The following ERVMER34-1 variants were observed in gnomAD, a reference collection of about 807,000 sequenced individuals.
ERVMER34-1 encodes the protein endogenous retrovirus group MER34 member 1, envelope.
For missense variants in ERVMER34-1, 471 were observed against 295.1 expected (o/e 1.60, Z -4.37); for synonymous variants, 199 against 111.7 (o/e 1.78, Z -4.93).
At chr4:52,750,074 C>G (rs1229327302) in intron 2 of ERVMER34-1, among the ~76,000 whole-genome samples, 1 of 152,122 alleles carries the variant, frequency 6.6e-6, no homozygotes, top group Admixed American at 6.5e-5. Context: ...TCTCCGCTCA[C>G]CACAACCTCT....
In ERVMER34-1 at chr4:52,744,526, A is replaced by C. The variant is rs1716095596; in HGVS notation, c.995T>G (p.Leu332Ter). Residue 332 changes from leucine to a stop codon, truncating the protein, a stop_gained, in exon 3 of 3, where the codon TTA becomes TGA. Transcript: ENST00000443173. LOFTEE classifies it low-confidence loss of function (END_TRUNC). Reference sequence around the variant, plus strand: ...CAGGTTTGTAATTTGGCTAGCATTTAAGGTGAGGTATCTGGTGAGGGAAGG... The same window carrying C: ...CAGGTTTGTAATTTGGCTAGCATTTCAGGTGAGGTATCTGGTGAGGGAAGG... Reference protein sequence around the residue: ...LVPSLTRYLTLNASQITNLRS... With the variant: ...LVPSLTRYLT 1.4e-6 allele frequency: 1 copy of C among 703,990 alleles called. No individual in the cohort carries two copies. Among genetic ancestry groups the C allele is most frequent in the Non-Finnish European group, 2.6e-6 (1 of 385,010 alleles). The allele number at this position is 703,990 out of a possible 1,614,324, so 43.6% of individuals were successfully genotyped here.
At chr4:52,746,804 C>A (rs1035116682) in intron 2 of ERVMER34-1, among the ~76,000 whole-genome samples, 1 of 152,200 alleles carries the variant, frequency 6.6e-6, no homozygotes, top group Admixed American at 6.5e-5. Context: ...ATAATTTGAT[C>A]AGAAATGCTA....
intron 2 of ERVMER34-1, among the ~76,000 whole-genome samples, chr4:52,746,363 G>T (rs925296316): frequency 6.6e-6 from 1 of 152,088 alleles, no homozygotes. Context: ...GCTTCTGGCC[G>T]TCTGAGTCCA....
Position 52,744,493 on chromosome 4 carries a change from A to T in ERVMER34-1, c.1028T>A (p.Phe343Tyr). ...NASQITNLRSFIHKVTPHRCT... is the reference protein window; with the variant it reads ...NASQITNLRSYIHKVTPHRCT... ...TCTATGCGGTGTTACTTTATGAATG[A>T]AGGATCTCAGGTTTGTAATTTGGCT... is the stretch of plus-strand genomic sequence containing the variant. The change falls in exon 3 of 3, where the codon TTC (phenylalanine) becomes TAC (tyrosine). Residue 343 changes from phenylalanine (F) to tyrosine (Y), a missense_variant. Coordinates refer to ENST00000443173, the MANE Select transcript of ERVMER34-1 (RefSeq NM_001242690.2). 2 of 704,082 alleles carry T rather than the reference A, an allele frequency of 2.8e-6. No individual in the cohort carries two copies. Among genetic ancestry groups the T allele is most frequent in the Non-Finnish European group, 5.2e-6 (2 of 384,970 alleles). 43.6% of individuals were successfully genotyped at this position (704,082 alleles called of 1,614,324 possible). A position where few individuals can be genotyped will look rare whatever the true frequency, so the allele number is the denominator to read the frequency against.
intron 2 of ERVMER34-1, among the ~76,000 whole-genome samples, chr4:52,750,370 CTATT>C (rs1188379778): frequency 1.3e-5 from 2 of 152,188 alleles, no homozygotes; most frequent in Admixed American, 6.5e-5. Context: ...CTATTACAGT[CTATT>C]TATTTTCCTA....
At chr4:52,748,878 C>T (rs1436178184) in intron 2 of ERVMER34-1, among the ~76,000 whole-genome samples, 1 of 151,546 alleles carries the variant, frequency 6.6e-6, no homozygotes, top group Non-Finnish European at 1.5e-5. Context: ...TCCTTAGAAA[C>T]AGGGTCTCAC....
Position 52,744,923 on chromosome 4 carries a change from C to T in ERVMER34-1, c.598G>A (p.Val200Ile). Reference sequence around the variant, plus strand: ...GTATTGGGCAGACCAATCAAGGGAACAGCTGAGCTGTTCCAGGTCCGGTTT... The same window carrying T: ...GTATTGGGCAGACCAATCAAGGGAATAGCTGAGCTGTTCCAGGTCCGGTTT... Reference protein sequence around the residue: ...CTNRTWNSSAVPLIGLPNTQD... With the variant: ...CTNRTWNSSAIPLIGLPNTQD... The change falls in exon 3 of 3, where the codon GTT becomes ATT. Residue 200 changes from valine to isoleucine, a missense_variant. Transcript: ENST00000443173. 1.4e-6 allele frequency: 1 copy of T among 704,130 alleles called. No homozygotes were observed. Among genetic ancestry groups the T allele is most frequent in the Non-Finnish European group, 2.6e-6 (1 of 385,004 alleles). 43.6% of individuals were successfully genotyped at this position (704,130 alleles called of 1,614,324 possible).
chr4:52,745,433 G>C lies in ERVMER34-1; in HGVS notation c.88C>G (p.Pro30Ala). Reference sequence around the variant, plus strand: ...AAGATAGATAGTGTCCGGAAAACTGGAGCAAGCAGGTGCTGAGGTTGTACT... The same window carrying C: ...AAGATAGATAGTGTCCGGAAAACTGCAGCAAGCAGGTGCTGAGGTTGTACT... ...ILVQPQHLLA[P>A]VFRTLSILTN... Residue 30 changes from proline (P) to alanine (A), a missense_variant, in exon 3 of 3, where the codon CCA (proline) becomes GCA (alanine). Transcript: ENST00000443173. The C allele has an allele frequency of 4.3e-6, 3 of 704,116 alleles. No homozygotes were observed. Among genetic ancestry groups the C allele is most frequent in the Non-Finnish European group, 7.8e-6 (3 of 384,992 alleles). 43.6% of individuals were successfully genotyped at this position (704,116 alleles called of 1,614,324 possible). A position where few individuals can be genotyped will look rare whatever the true frequency, so the allele number is the denominator to read the frequency against.
chr4:52,744,025 A>G lies in ERVMER34-1; in HGVS notation c.1496T>C (p.Phe499Ser). Residue 499 changes from phenylalanine (F) to serine (S), a missense_variant, in exon 3 of 3, where the codon TTC becomes TCC. Coordinates refer to ENST00000443173, the MANE Select transcript of ERVMER34-1 (RefSeq NM_001242690.2). ...GATTAAAACAAAGATGAATAAGCAG[A>G]AAAGAACAATTAAAAGCACATAGCC... is the stretch of plus-strand genomic sequence containing the variant. ...SWGYVLLIVL[F>S]CLFIFVLIYV... 1.4e-6 allele frequency: 1 copy of G among 712,656 alleles called. No individual in the cohort carries two copies. The highest frequency in any genetic ancestry group is 2.5e-6 in the Non-Finnish European group (1 of 392,746). The allele number at this position is 712,656 out of a possible 1,614,324, so 44.1% of individuals were successfully genotyped here. A position where few individuals can be genotyped will look rare whatever the true frequency, so the allele number is the denominator to read the frequency against.
At chr4:52,746,966 C>T (rs538043998) in intron 2 of ERVMER34-1, among the ~76,000 whole-genome samples, 1 of 151,660 alleles carries the variant, frequency 6.6e-6, no homozygotes, top group African/African-American at 2.4e-5. Context: ...CGGTGGGACA[C>T]ACCTGTAATC....
Position 52,745,855 on chromosome 4 carries a change from G to A in ERVMER34-1, c.-335C>T, listed in dbSNP as rs1380440900. On this transcript the variant is annotated 5_prime_UTR_variant, in exon 3 of 3. Coordinates refer to ENST00000443173, the MANE Select transcript of ERVMER34-1 (RefSeq NM_001242690.2). ...ATTTTATTTTGATGACTATGTAGGT[G>A]GTTAGCAGTACTTCATAAGGTCTCT... 4.0e-6 allele frequency: 1 copy of A among 252,352 alleles called. No individual in the cohort carries two copies. 15.6% of individuals were successfully genotyped at this position (252,352 alleles called of 1,614,324 possible). A position where few individuals can be genotyped will look rare whatever the true frequency, so the allele number is the denominator to read the frequency against.
rs1368843597 is a variant in ERVMER34-1, at chr4:52,744,067, T to A, written c.1454A>T (p.Asp485Val). 8.5e-6 allele frequency: 6 copies of A among 704,832 alleles called. No homozygotes were observed. Among genetic ancestry groups the A allele is most frequent in the East Asian group, 5.4e-5 (2 of 37,292 alleles). The allele number at this position is 704,832 out of a possible 1,614,324, so 43.7% of individuals were successfully genotyped here. A position where few individuals can be genotyped will look rare whatever the true frequency, so the allele number is the denominator to read the frequency against. ...DWQGIFAKVGDWFRSWGYVLL... is the reference protein window; with the variant it reads ...DWQGIFAKVGVWFRSWGYVLL... The stretch of plus-strand genomic sequence containing the variant: ...CACATAGCCCCATGATCTGAACCAG[T>A]CTCCCACTTTTGCAAATATGCCTTG... Residue 485 changes from aspartate to valine, a missense_variant, in exon 3 of 3, where the codon GAC becomes GTC. Transcript: ENST00000443173.
intron 2 of ERVMER34-1, among the ~76,000 whole-genome samples, chr4:52,746,743 T>A (rs1716164862): frequency 6.6e-6 from 1 of 152,140 alleles, no homozygotes; most frequent in Non-Finnish European, 1.5e-5. Context: ...CTTTGCAGTA[T>A]GCTTACCATC....
chr4:52,746,923 G>A (rs959483355), intron 2 of ERVMER34-1, among the ~76,000 whole-genome samples: 6 of 152,060 alleles, frequency 3.9e-5, no homozygotes, highest in Admixed American at 6.6e-5. Context: ...ATGTTCTGAC[G>A]TTTGGAAAAC....
chr4:52,750,178 T>C (rs984289954), intron 2 of ERVMER34-1, among the ~76,000 whole-genome samples: 2 of 152,070 alleles, frequency 1.3e-5, no homozygotes, highest in African/African-American at 2.4e-5. Flanking sequence ...TTTGAATTTT[T>C]AGTAGAGATG....
Position 52,744,554 on chromosome 4 carries a change from C to G in ERVMER34-1, c.967G>C (p.Val323Leu), listed in dbSNP as rs1716097047. The G allele has an allele frequency of 1.4e-6, 1 of 703,946 alleles. No homozygotes were observed. Among genetic ancestry groups the G allele is most frequent in the Middle Eastern group, 2.3e-4 (1 of 4,370 alleles). 43.6% of individuals were successfully genotyped at this position (703,946 alleles called of 1,614,324 possible). A position where few individuals can be genotyped will look rare whatever the true frequency, so the allele number is the denominator to read the frequency against. ...GTGAGGTATCTGGTGAGGGAAGGTA[C>G]AAGATACCCAAGTCCACATCGCCCA... ...WSGRCGLGYL[V>L]PSLTRYLTLN... Residue 323 changes from valine to leucine, a missense_variant, in exon 3 of 3, where the codon GTA becomes CTA. Transcript: ENST00000443173.
chr4:52,744,604 T>C lies in ERVMER34-1; in HGVS notation c.917A>G (p.Tyr306Cys). 2.8e-6 allele frequency: 2 copies of C among 704,100 alleles called. No homozygotes were observed. The highest frequency in any genetic ancestry group is 1.5e-5 in the South Asian group (1 of 67,600). 43.6% of individuals were successfully genotyped at this position (704,100 alleles called of 1,614,324 possible). Residue 306 changes from tyrosine (Y) to cysteine (C), a missense_variant, in exon 3 of 3, where the codon TAC (tyrosine) becomes TGC (cysteine). Physicochemically the swap from Tyr to Cys is radical, Grantham distance 194 (BLOSUM62 -2). Coordinates refer to ENST00000443173, the MANE Select transcript of ERVMER34-1 (RefSeq NM_001242690.2). ...AGACCATTTAGGTGGAAACCCTTTG[T>C]ACACCCCATTGCCGCACAAAAAAAA... ...GLFFLCGNGV[Y>C]KGFPPKWSGR...
rs977880682 is a variant in ERVMER34-1 at position 52,747,987 on chromosome 4, A to C, written c.-423-2044T>G. ...GGGAGGTGGAGGTTGCAGTGAGCTG[A>C]GATTGTGCCATTGCACTCCAGCCTG... On this transcript the variant is annotated intron_variant, in intron 2 of 2. Coordinates refer to ENST00000443173, the MANE Select transcript of ERVMER34-1 (RefSeq NM_001242690.2). 3 of 154,480 alleles carry C rather than the reference A, an allele frequency of 1.9e-5. No homozygotes were observed. In the Admixed American group the frequency reaches 2.0e-4, roughly 10 times the overall value. 9.6% of individuals were successfully genotyped at this position (154,480 alleles called of 1,614,324 possible).
chr4:52,747,040 C>G (rs1204552646), intron 2 of ERVMER34-1, among the ~76,000 whole-genome samples: 1 of 151,914 alleles, frequency 6.6e-6, no homozygotes, highest in Non-Finnish European at 1.5e-5. Flanking sequence ...AACAGCCTGG[C>G]CAACACAGCA....
Sources: allele counts gnomAD v4.1 joint callset (sites outside exome capture counted in the v4.1 genomes callset), GRCh38; gene constraint gnomAD v4.1.1; transcripts MANE v1.5; gene names NCBI Gene and HGNC (gene_info 2026-07-23, HGNC 2026-07-21).